Variants in STAB2 observed in about 807,000 individuals in gnomAD.
STAB2 encodes the protein stabilin-2.
STAB2 carries 288 observed loss-of-function variants against 338.1 expected under a neutral mutation model. That is an observed-to-expected ratio of 0.85 (90% confidence interval 0.77 to 0.94). STAB2 has a LOEUF of 0.94. Ranked by LOEUF, STAB2 falls within the 40% of genes least tolerant of loss-of-function variation. The pLI is 0.00. For synonymous variants in STAB2, 1,202 were observed against 1,193.3 expected, an observed-to-expected ratio of 1.01 and a Z score of -0.15; for missense variants, 3,141 against 3,210.1, an observed-to-expected ratio of 0.98 and a Z score of 0.52.
intron 5 of STAB2, among the ~76,000 whole-genome samples, chr12:103,627,586 T>C (rs1031934907): frequency 1.3e-5 from 2 of 152,254 alleles, no homozygotes; most frequent in African/African-American, 4.8e-5. Flanking sequence ...CCCAAGGGCA[T>C]GTTCCTGGCA....
In STAB2 at chr12:103,593,345, G is replaced by A. The variant is rs1956828086; in HGVS notation, c.216-1050G>A. 2.6e-5 allele frequency among the ~76,000 whole-genome samples: 4 copies of A among 152,034 alleles called. No individual in the cohort carries two copies. The South Asian group carries it at 8.3e-4, about 32-fold the overall frequency. On this transcript the variant is annotated intron_variant, in intron 2 of 68. Transcript: ENST00000388887. ...CAATACTTGTTGCCTTTTGTTTCAT[G>A]CTTTTTATAATAACCATCGTAATAG... is the stretch of plus-strand genomic sequence containing the variant.
intron 66 of STAB2, 55 bp from the exon 67 acceptor site, chr12:103,762,219 C>A: frequency 1.2e-6 from 2 of 1,604,540 alleles, no homozygotes; most frequent in Non-Finnish European, 1.7e-6. Flanking sequence ...AAGGGTTCCC[C>A]TTTTGGGGAG....
At position 103,699,156 on chromosome 12, in the gene STAB2, C is replaced by G. The variant is rs1180405284; in HGVS notation, c.3643C>G (p.His1215Asp). Residue 1215 changes from histidine to aspartate, a missense_variant, in exon 34 of 69, where the codon CAC becomes GAC. Coordinates refer to ENST00000388887, the MANE Select transcript of STAB2 (RefSeq NM_017564.10). The part of the protein sequence containing the change: ...LEEKLLKNDL[H>D]NGMHRETMLG... ...GGAGAAACTCCTGAAGAATGACCTG[C>G]ACAATGGCATGCATCGTGAGACCAT... 6.2e-7 allele frequency: 1 copy of G among 1,613,630 alleles called. No individual in the cohort carries two copies. Among genetic ancestry groups the G allele is most frequent in the Admixed American group, 1.7e-5 (1 of 59,998 alleles).
intron 17 of STAB2, among the ~76,000 whole-genome samples, chr12:103,662,202 C>T (rs1250500610): frequency 6.6e-6 from 1 of 152,028 alleles, no homozygotes; most frequent in African/African-American, 2.4e-5. Flanking sequence ...TTTGCACCAA[C>T]CTAATATTCT....
At chr12:103,588,981 G>T (rs1956756295) in intron 1 of STAB2, among the ~76,000 whole-genome samples, 1 of 152,170 alleles carries the variant, frequency 6.6e-6, no homozygotes, top group Non-Finnish European at 1.5e-5. Flanking sequence ...GAAAGAGAAA[G>T]GGCTAATCAA....
At chr12:103,752,702 G>A (rs1006840019) in intron 60 of STAB2, among the ~76,000 whole-genome samples, 2 of 152,140 alleles carry the variant, frequency 1.3e-5, no homozygotes, top group African/African-American at 4.8e-5. Flanking sequence ...AATATGGGGA[G>A]GAGGAGAAAA....
At position 103,673,338 on chromosome 12, in the gene STAB2, C is replaced by CT. The variant is rs754202508; in HGVS notation, c.2372-558dup. Among the ~76,000 whole-genome samples, 959 of 146,236 alleles carry CT rather than the reference C, an allele frequency of 6.6e-3. 10 individuals carry two copies. The highest frequency in any genetic ancestry group is 7.8e-3 in the Non-Finnish European group (517 of 65,984). On this transcript the variant is annotated intron_variant, in intron 22 of 68. Coordinates refer to ENST00000388887, the MANE Select transcript of STAB2 (RefSeq NM_017564.10). ...TATAGATAAAAAGGAGTTCTTTTTT[C>CT]TTTTTTTTTTTATTTGTTTTGTTTT...
chr12:103,688,123 G>A, intron 27 of STAB2, 45 bp from the exon 28 acceptor site: 1 of 1,574,314 alleles, frequency 6.4e-7, no homozygotes, highest in Non-Finnish European at 8.7e-7. Flanking sequence ...CTTTCTCTGT[G>A]TTCTCTCCCA....
At chr12:103,608,073 G>A (rs1221072540) in intron 3 of STAB2, among the ~76,000 whole-genome samples, 7 of 152,050 alleles carry the variant, frequency 4.6e-5, no homozygotes, top group Admixed American at 3.3e-4. Flanking sequence ...TTTAATGATC[G>A]CCATTCTAAC....
At position 103,706,981 on chromosome 12, in the gene STAB2, G is replaced by T; in HGVS notation, c.4186G>T (p.Asp1396Tyr). 1 of 1,614,110 alleles carries T rather than the reference G, an allele frequency of 6.2e-7. No individual in the cohort carries two copies. Among genetic ancestry groups the T allele is most frequent in the South Asian group, 1.1e-5 (1 of 91,060 alleles). Residue 1396 changes from aspartate (D) to tyrosine (Y), a missense_variant, in exon 38 of 69, where the codon GAC becomes TAC. By Grantham distance (160) the Asp-to-Tyr change is radical. Transcript: ENST00000388887. ...CGAGGGCAAGTACGGCATCCACTGT[G>T]ACCAAGGTGAGCACCGTCCTCTCCA... ...CTEGKYGIHCDQACSCVHGRC... is the reference protein window; with the variant it reads ...CTEGKYGIHCYQACSCVHGRC...
At chr12:103,630,442 G>A (rs1360326284) in intron 5 of STAB2, among the ~76,000 whole-genome samples, 3 of 152,182 alleles carry the variant, frequency 2.0e-5, no homozygotes, top group Non-Finnish European at 2.9e-5. Flanking sequence ...CCGAAGACAC[G>A]TGTAGTAGGC....
In STAB2 at chr12:103,695,596, T is replaced by A; in HGVS notation, c.3422T>A (p.Leu1141His). The change falls in exon 32 of 69, where the codon CTC (leucine) becomes CAC (histidine). Residue 1141 changes from leucine to histidine, a missense_variant. By Grantham distance (99) the Leu-to-His change is moderately conservative. Coordinates refer to ENST00000388887, the MANE Select transcript of STAB2 (RefSeq NM_017564.10). ...RRLTGSLPNLLMRLEQMPDYS... is the reference protein window; with the variant it reads ...RRLTGSLPNLHMRLEQMPDYS... The stretch of plus-strand genomic sequence containing the variant: ...CTAACTGGCTCCTTACCAAACCTGC[T>A]CATGCGGCTGGAACAGATGCCTGAC... 3 of 1,614,192 alleles carry A rather than the reference T, an allele frequency of 1.9e-6. No individual in the cohort carries two copies. Among genetic ancestry groups the A allele is most frequent in the Non-Finnish European group, 2.5e-6 (3 of 1,180,020 alleles).
rs1278868797 is a variant in STAB2 at position 103,690,420 on chromosome 12, T to C, written c.3183-4T>C. ...ATTATAGCCTTTGTGGACTATTGTT[T>C]CAGGTACCATATGCTACTAGGCACA... is the stretch of plus-strand genomic sequence containing the variant. On this transcript the variant is annotated splice_polypyrimidine_tract_variant and splice_region_variant and intron_variant, in intron 29 of 68. Transcript: ENST00000388887. The C allele has an allele frequency of 6.2e-7, 1 of 1,609,732 alleles. No homozygotes were observed. The highest frequency in any genetic ancestry group is 1.3e-5 in the African/African-American group (1 of 74,758).
chr12:103,623,396 T>C (rs1351378382), intron 5 of STAB2, among the ~76,000 whole-genome samples: 1 of 152,190 alleles, frequency 6.6e-6, no homozygotes, highest in African/African-American at 2.4e-5. Flanking sequence ...GCTAATCAGC[T>C]GACCTTAGGA....
rs572694741 is a variant in STAB2 at position 103,679,727 on chromosome 12, C to CA, written c.2805+2122dup. Among the ~76,000 whole-genome samples the CA allele has an allele frequency of 1.6e-3, 245 of 152,152 alleles. 1 individual carries two copies. The highest frequency in any genetic ancestry group is 5.6e-3 in the African/African-American group (232 of 41,500). Reference sequence around the variant, plus strand: ...ATGGAAAACAGCACAGCAATTCCCCCAAAAAATTAAAAATGGAATAAGCAT... The same window carrying CA: ...ATGGAAAACAGCACAGCAATTCCCCCAAAAAAATTAAAAATGGAATAAGCAT... On this transcript the variant is annotated intron_variant, in intron 25 of 68. Coordinates refer to ENST00000388887, the MANE Select transcript of STAB2 (RefSeq NM_017564.10).
intron 3 of STAB2, among the ~76,000 whole-genome samples, chr12:103,609,099 A>G (rs1393857972): frequency 6.6e-6 from 1 of 152,112 alleles, no homozygotes; most frequent in Non-Finnish European, 1.5e-5. Context: ...GCCTTGTAGT[A>G]TAGTTTGAAG....
intron 34 of STAB2, among the ~76,000 whole-genome samples, chr12:103,702,293 TA>T (rs753543787): frequency 1.9e-4 from 19 of 100,532 alleles, no homozygotes; most frequent in African/African-American, 3.7e-4. Context: ...AATTATCAGT[TA>T]TTTTTTTTTT....
rs1352630547 is a variant in STAB2 at position 103,758,032 on chromosome 12, C to T, written c.6988-138C>T. On this transcript the variant is annotated intron_variant, in intron 63 of 68. Coordinates refer to ENST00000388887, the MANE Select transcript of STAB2 (RefSeq NM_017564.10). ...ACTCTCCCACGGCGCAGGCAGAAGACACAGCAAAGGAGCAGCAGGCTGAGT... is the reference window on the plus strand; with the variant it reads ...ACTCTCCCACGGCGCAGGCAGAAGATACAGCAAAGGAGCAGCAGGCTGAGT... 5 of 1,282,002 alleles carry T rather than the reference C, an allele frequency of 3.9e-6. No individual in the cohort carries two copies. The Admixed American group carries it at 9.1e-5, about 23-fold the overall frequency. 79.4% of individuals were successfully genotyped at this position (1,282,002 alleles called of 1,614,324 possible).
chr12:103,658,772 C>T (rs1039245915), intron 15 of STAB2, among the ~76,000 whole-genome samples: 1 of 152,154 alleles, frequency 6.6e-6, no homozygotes, highest in African/African-American at 2.4e-5. Context: ...TTATTTTATG[C>T]CCCACACTGC....
Sources: gnomAD v4.1 joint callset for allele counts (sites outside exome capture counted in the v4.1 genomes callset) on GRCh38, gnomAD v4.1.1 for gene constraint, MANE v1.5 for transcripts, NCBI Gene and HGNC (gene_info 2026-07-23, HGNC 2026-07-21) for gene names.